The following FGD4 variants were observed in gnomAD, a reference collection of about 807,000 sequenced individuals.
FGD4 encodes the protein FYVE, RhoGEF and PH domain containing 4, also known as FYVE, RhoGEF and PH domain-containing protein 4.
In FGD4, 42 loss-of-function variants were observed where a neutral mutation model predicts 102.0. The ratio of observed to expected loss-of-function variants is 0.41; its 90% CI spans 0.32 to 0.53. FGD4 has a LOEUF of 0.53. FGD4 is among the 20% of genes least tolerant of loss of function. The pLI, the probability that FGD4 is intolerant of heterozygous loss-of-function variation, is 0.21. For missense variants in FGD4, 902 were observed against 1,078.2 expected, an observed-to-expected ratio of 0.84 and a Z score of 2.29; for synonymous variants, 380 against 375.7, an observed-to-expected ratio of 1.01 and a Z score of -0.13.
chr12:32,636,018 T>C (rs1171432435), intron 15 of FGD4, among the ~76,000 whole-genome samples: 1 of 126,286 alleles, frequency 7.9e-6, no homozygotes, highest in Non-Finnish European at 1.5e-5. Flanking sequence ...TCTCTAATAA[T>C]AATAATAATA....
intron 1 of FGD4, among the ~76,000 whole-genome samples, chr12:32,465,197 A>G (rs1943218584): frequency 6.6e-6 from 1 of 151,902 alleles, no homozygotes. Context: ...TTAATTTACT[A>G]ATAGCCTACT....
At chr12:32,599,532 A>ATTTTTTTTTTT (rs1948203574) in intron 5 of FGD4, among the ~76,000 whole-genome samples, 1 of 47,704 alleles carries the variant, frequency 2.1e-5, no homozygotes, top group African/African-American at 8.4e-5. Flanking sequence ...AAACTAAGGC[A>ATTTTTTTTTTT]TCTTTTTTTT....
chr12:32,588,397 G>C (rs536748599), intron 4 of FGD4, among the ~76,000 whole-genome samples: 8 of 152,318 alleles, frequency 5.3e-5, no homozygotes, highest in Non-Finnish European at 1.2e-4. Flanking sequence ...AAGGGAAAAG[G>C]CCTCACTGAT....
At chr12:32,459,517 TA>T (rs1473075382) in intron 1 of FGD4, among the ~76,000 whole-genome samples, 6 of 152,012 alleles carry the variant, frequency 3.9e-5, no homozygotes, top group Non-Finnish European at 1.5e-5. Context: ...ATAAGGATCA[TA>T]AAATGTAAAT....
chr12:32,609,070 G>A (rs949027520), intron 8 of FGD4, among the ~76,000 whole-genome samples: 1 of 152,062 alleles, frequency 6.6e-6, no homozygotes, highest in Non-Finnish European at 1.5e-5. Flanking sequence ...CACCATGTTG[G>A]CCAGGCTGGT....
chr12:32,401,601 C>T (rs985796379), intron 1 of FGD4, among the ~76,000 whole-genome samples: 3 of 151,948 alleles, frequency 2.0e-5, no homozygotes, highest in Non-Finnish European at 4.4e-5. Flanking sequence ...AATCACCTGG[C>T]TAAATTACAA....
chr12:32,570,447 G>A (rs567575817), intron 2 of FGD4, among the ~76,000 whole-genome samples: 2 of 151,610 alleles, frequency 1.3e-5, no homozygotes, highest in African/African-American at 2.4e-5. Context: ...ATTTACTTAT[G>A]TATTTAATTT....
chr12:32,592,076 ATATTTATTTATT>A (rs1316087361), intron 4 of FGD4, among the ~76,000 whole-genome samples: 16 of 151,804 alleles, frequency 1.1e-4, no homozygotes, highest in Non-Finnish European at 1.3e-4. Context: ...AAAAATTAAT[ATATTTATTTATT>A]TATTTATTTT....
intron 14 of FGD4, among the ~76,000 whole-genome samples, chr12:32,631,059 T>G (rs1423346950): frequency 6.6e-6 from 1 of 152,190 alleles, no homozygotes; most frequent in Non-Finnish European, 1.5e-5. Context: ...CTTTGATACT[T>G]CATAAATTCC....
chr12:32,420,276 C>T (rs1462380828), intron 1 of FGD4, among the ~76,000 whole-genome samples: 1 of 152,098 alleles, frequency 6.6e-6, no homozygotes, highest in East Asian at 1.9e-4. Flanking sequence ...TAATCTAATG[C>T]TTGTCTCATT....
At chr12:32,443,539 T>G (rs1485740072) in intron 1 of FGD4, among the ~76,000 whole-genome samples, 3 of 147,578 alleles carry the variant, frequency 2.0e-5, no homozygotes, top group Non-Finnish European at 4.5e-5. Flanking sequence ...TTTAGGTTTT[T>G]TTTTTTTTTT....
intron 1 of FGD4, among the ~76,000 whole-genome samples, chr12:32,400,618 C>G (rs1032152113): frequency 2.0e-5 from 3 of 152,232 alleles, no homozygotes; most frequent in Non-Finnish European, 4.4e-5. Context: ...TTCAAGGCCA[C>G]GTAATCTCCC....
intron 1 of FGD4, among the ~76,000 whole-genome samples, chr12:32,563,894 G>A (rs76363842): frequency 6.6e-6 from 1 of 152,068 alleles, no homozygotes; most frequent in Non-Finnish European, 1.5e-5. Flanking sequence ...GCAGGCACTC[G>A]GCAGGCTGAG....
intron 1 of FGD4, among the ~76,000 whole-genome samples, chr12:32,547,141 T>C (rs1943289051): frequency 1.3e-5 from 2 of 152,110 alleles, no homozygotes; most frequent in Admixed American, 6.6e-5. Flanking sequence ...AGATATGACA[T>C]TCAACATCAG....
At chr12:32,523,834 C>T (rs371771873) in intron 1 of FGD4, among the ~76,000 whole-genome samples, 5 of 151,654 alleles carry the variant, frequency 3.3e-5, no homozygotes, top group African/African-American at 9.7e-5. Context: ...CAAAATTAGC[C>T]GGGCGTTGTG....
chr12:32,602,574 A>G (rs1948495434), intron 7 of FGD4, among the ~76,000 whole-genome samples: 1 of 152,226 alleles, frequency 6.6e-6, no homozygotes, highest in South Asian at 2.1e-4. Context: ...AATTTACAAA[A>G]TGAGTTCCCA....
chr12:32,581,933 A>T (rs555654900), intron 3 of FGD4, 27 bp from the exon 4 acceptor site: 1 of 1,613,022 alleles, frequency 6.2e-7, no homozygotes, highest in South Asian at 1.1e-5. Flanking sequence ...CAATGTTTTC[A>T]TGCTTCCTTT....
intron 1 of FGD4, among the ~76,000 whole-genome samples, chr12:32,416,011 C>CTCCA (rs1264258911): frequency 6.6e-6 from 1 of 152,060 alleles, no homozygotes; most frequent in African/African-American, 2.4e-5. Flanking sequence ...CATTCAGCCT[C>CTCCA]TCCATGTCTT....
At chr12:32,581,246 G>A (rs888894494) in intron 3 of FGD4, among the ~76,000 whole-genome samples, 1 of 152,176 alleles carries the variant, frequency 6.6e-6, no homozygotes, top group African/African-American at 2.4e-5. Context: ...GTGAGTTAAG[G>A]AAGAATGAAA....
Sources: gnomAD v4.1 joint callset for allele counts (sites outside exome capture counted in the v4.1 genomes callset) on GRCh38, gnomAD v4.1.1 for gene constraint, MANE v1.5 for transcripts, NCBI Gene and HGNC (gene_info 2026-07-23, HGNC 2026-07-21) for gene names.